Variants in NSG1 observed in about 807,000 individuals in gnomAD.
NSG1 encodes neuronal vesicle trafficking associated 1.
Under a neutral mutation model 19.3 loss-of-function variants are expected in NSG1, and 9 were observed. The observed-to-expected ratio is 0.47, with a 90% CI of 0.28 to 0.81. The LOEUF (loss-of-function observed/expected upper bound fraction) is 0.81. Ranked by LOEUF, NSG1 falls within the 40% of genes least tolerant of loss-of-function variation. The pLI is 0.11. For synonymous variants in NSG1, 104 were observed against 107.0 expected (o/e 0.97, Z 0.17); for missense variants, 236 against 242.4 (o/e 0.97, Z 0.18).
intron 3 of NSG1, among the ~76,000 whole-genome samples, chr4:4,396,643 T>C (rs1317817015): frequency 6.6e-6 from 1 of 150,776 alleles, no homozygotes; most frequent in Non-Finnish European, 1.5e-5. Flanking sequence ...GTGGTTTGTG[T>C]CTTTTCTTCA....
In NSG1 at chr4:4,398,115, C is replaced by T. The variant is rs138568546; in HGVS notation, c.246+6524C>T. 2.9e-3 allele frequency among the ~76,000 whole-genome samples: 440 copies of T among 152,110 alleles called. 1 individual carries two copies. Among genetic ancestry groups the T allele is most frequent in the East Asian group, 0.021 (111 of 5,170 alleles). ...TATTACAGGCACCTGCCACCATGCC[C>T]GGCTAATTTTTGTATTTTTAGTGGA... is the stretch of plus-strand genomic sequence containing the variant. On this transcript the variant is annotated intron_variant, in intron 3 of 4. Coordinates refer to ENST00000621129, the MANE Select transcript of NSG1 (RefSeq NM_014392.5).
intron 3 of NSG1, among the ~76,000 whole-genome samples, chr4:4,398,586 C>A (rs1055263172): frequency 6.6e-6 from 1 of 152,232 alleles, no homozygotes; most frequent in African/African-American, 2.4e-5. Context: ...CATGCTATTT[C>A]AAAGCTCAGC....
chr4:4,391,373 C>T (rs747385544), intron 2 of NSG1, 102 bp from the exon 3 acceptor site: 3 of 708,652 alleles, frequency 4.2e-6, no homozygotes, highest in Non-Finnish European at 4.8e-6. Flanking sequence ...GAATTTCTTC[C>T]TGGCAAATGG....
At chr4:4,403,399 A>C (rs6812659) in intron 3 of NSG1, among the ~76,000 whole-genome samples, 1 of 152,068 alleles carries the variant, frequency 6.6e-6, no homozygotes, top group Non-Finnish European at 1.5e-5. Context: ...TTCTGGAATC[A>C]CATGGGGCTC....
chr4:4,405,814 C>T (rs541237550), intron 3 of NSG1, among the ~76,000 whole-genome samples: 10 of 152,278 alleles, frequency 6.6e-5, no homozygotes, highest in African/African-American at 2.2e-4. Context: ...TTGCACGGTT[C>T]GGCTGGCTCC....
chr4:4,392,603 G>A (rs1177467237), intron 3 of NSG1, among the ~76,000 whole-genome samples: 1 of 152,212 alleles, frequency 6.6e-6, no homozygotes, highest in Non-Finnish European at 1.5e-5. Flanking sequence ...AACAGATGAA[G>A]CCAAAACCAC....
At chr4:4,410,978 C>T (rs1724148064) in intron 4 of NSG1, among the ~76,000 whole-genome samples, 5 of 152,134 alleles carry the variant, frequency 3.3e-5, no homozygotes, top group Admixed American at 3.3e-4. Context: ...CTGCCTCAGT[C>T]TCCTGAGTAG....
At chr4:4,387,556 C>CCCCCCGGGGGTGGGGGGGGGGGGG in intron 1 of NSG1, 48 bp from the exon 2 acceptor site, 1 of 741,702 alleles carries the variant, frequency 1.3e-6, no homozygotes, top group South Asian at 1.8e-5. Context: ...CCCCCCGCCC[C>CCCCCCGGGGGTGGGGGGGGGGGGG]GCCCCGGGTC....
At chr4:4,395,546 C>A (rs571012549) in intron 3 of NSG1, among the ~76,000 whole-genome samples, 2 of 152,246 alleles carry the variant, frequency 1.3e-5, no homozygotes, top group Non-Finnish European at 2.9e-5. Flanking sequence ...GCGGGTCTCT[C>A]TTTCTGAAAC....
intron 3 of NSG1, among the ~76,000 whole-genome samples, chr4:4,395,357 G>A (rs896865447): frequency 2.6e-5 from 4 of 152,306 alleles, no homozygotes; most frequent in East Asian, 3.9e-4. Context: ...TCCGATGGGG[G>A]TGCATTCCAG....
rs749763872 is a variant in NSG1, at chr4:4,411,780, A to C, written c.357+2097A>C. ...AAACAAAACAAAACAAAACAAAACA[A>C]AACAAAACAAAACATTGCCTTCTTC... On this transcript the variant is annotated intron_variant, in intron 4 of 4. Coordinates refer to ENST00000621129, the MANE Select transcript of NSG1 (RefSeq NM_014392.5). 2.5e-3 allele frequency among the ~76,000 whole-genome samples: 230 copies of C among 93,782 alleles called. 8 individuals carry two copies. Among genetic ancestry groups the C allele is most frequent in the African/African-American group, 0.024 (215 of 9,086 alleles). The allele number at this position is 93,782 out of a possible 152,430, so 61.5% of individuals were successfully genotyped here.
chr4:4,389,938 C>T (rs1321305877), intron 2 of NSG1, among the ~76,000 whole-genome samples: 1 of 152,108 alleles, frequency 6.6e-6, no homozygotes, highest in African/African-American at 2.4e-5. Flanking sequence ...ACCATGTTAC[C>T]CCCATTTTGC....
rs144953357 is a variant in NSG1 at position 4,406,178 on chromosome 4, C to G, written c.247-3395C>G. ...GAGTAGCTGGGATTACAGGCACTCACCACCACGCCCGGCTAATTTTTTATA... is the reference window on the plus strand; with the variant it reads ...GAGTAGCTGGGATTACAGGCACTCAGCACCACGCCCGGCTAATTTTTTATA... On this transcript the variant is annotated intron_variant, in intron 3 of 4. Transcript: ENST00000621129. Among the ~76,000 whole-genome samples the G allele has an allele frequency of 9.9e-3, 1,512 of 152,222 alleles. 24 individuals are homozygous for G. Among genetic ancestry groups the G allele is most frequent in the African/African-American group, 0.035 (1,434 of 41,512 alleles).
Position 4,417,739 on chromosome 4 carries a change from G to A in NSG1, c.*304G>A, listed in dbSNP as rs1296979786. On this transcript the variant is annotated 3_prime_UTR_variant, in exon 5 of 5. Coordinates refer to ENST00000621129, the MANE Select transcript of NSG1 (RefSeq NM_014392.5). ...AATAAATTTACACTGGATATGCGAAGGGTTTGGATCTCAGATAAATGCATT... is the reference window on the plus strand; with the variant it reads ...AATAAATTTACACTGGATATGCGAAAGGTTTGGATCTCAGATAAATGCATT... 3 of 399,932 alleles carry A rather than the reference G, an allele frequency of 7.5e-6. No homozygotes were observed. Among genetic ancestry groups the A allele is most frequent in the African/African-American group, 6.2e-5 (3 of 48,680 alleles). 24.8% of individuals were successfully genotyped at this position (399,932 alleles called of 1,614,324 possible).
At chr4:4,411,931 C>T (rs917011185) in intron 4 of NSG1, among the ~76,000 whole-genome samples, 21 of 151,986 alleles carry the variant, frequency 1.4e-4, no homozygotes, top group Admixed American at 1.0e-3. Flanking sequence ...AAGTAACATA[C>T]GCGTTTATTG....
At chr4:4,409,488 T>TTG in intron 3 of NSG1, 85 bp from the exon 4 acceptor site, 2 of 923,832 alleles carry the variant, frequency 2.2e-6, no homozygotes, top group Non-Finnish European at 1.8e-6. Flanking sequence ...ACATGCTGTG[T>TTG]GGGGGGGGGC....
At chr4:4,408,861 C>T (rs1175339772) in intron 3 of NSG1, among the ~76,000 whole-genome samples, 1 of 152,204 alleles carries the variant, frequency 6.6e-6, no homozygotes, top group Non-Finnish European at 1.5e-5. Context: ...ACCCATGCCC[C>T]GTGCCCTCCA....
intron 3 of NSG1, among the ~76,000 whole-genome samples, chr4:4,405,811 G>A (rs930291292): frequency 3.3e-5 from 5 of 152,194 alleles, no homozygotes; most frequent in Non-Finnish European, 7.3e-5. Context: ...TCGTTGCACG[G>A]TTCGGCTGGC....
chr4:4,408,964 G>C (rs1253190620), intron 3 of NSG1, among the ~76,000 whole-genome samples: 1 of 152,248 alleles, frequency 6.6e-6, no homozygotes, highest in African/African-American at 2.4e-5. Context: ...GTGTGCTGGG[G>C]CTGTCTAGTG....
Sources: allele counts gnomAD v4.1 joint callset (sites outside exome capture counted in the v4.1 genomes callset), GRCh38; gene constraint gnomAD v4.1.1; transcripts MANE v1.5; gene names NCBI Gene and HGNC (gene_info 2026-07-23, HGNC 2026-07-21).